MRPL35: variants seen among roughly 807,000 people sequenced by gnomAD.
MRPL35 encodes large ribosomal subunit protein bL35m.
Under a neutral mutation model 21.6 loss-of-function variants are expected in MRPL35, and 18 were observed. The ratio of observed to expected loss-of-function variants is 0.83; its 90% CI spans 0.58 to 1.24. MRPL35 has a LOEUF of 1.24. MRPL35 is among the 50% of genes most tolerant of loss of function. The pLI is 0.00. For missense variants in MRPL35, 223 were observed against 223.2 expected (o/e 1.00, Z 0.01); for synonymous variants, 87 against 86.9 (o/e 1.00, Z -0.01).
intron 1 of MRPL35, among the ~76,000 whole-genome samples, chr2:86,204,004 G>T (rs770735183): frequency 2.9e-4 from 44 of 151,236 alleles, no homozygotes; most frequent in Non-Finnish European, 6.3e-4. Context: ...TTTTTTTTGA[G>T]ATGGAGTTTC....
chr2:86,210,297 C>A (rs540467342), intron 3 of MRPL35, among the ~76,000 whole-genome samples, 183 bp from the exon 4 acceptor site: 6 of 149,826 alleles, frequency 4.0e-5, no homozygotes, highest in African/African-American at 1.5e-4. Context: ...ATGCTTTCTC[C>A]ATCCCCCTCC....
In MRPL35 at chr2:86,213,330, C is replaced by A; in HGVS notation, c.*2662C>A. Reference sequence around the variant, plus strand: ...AGTTCTGTTGACATTGGACCAGGCTCAGTAAATAAACGAATGGATTTCCAG... The same window carrying A: ...AGTTCTGTTGACATTGGACCAGGCTAAGTAAATAAACGAATGGATTTCCAG... On this transcript the variant is annotated 3_prime_UTR_variant, in exon 4 of 4. Transcript: ENST00000337109. 8.2e-7 allele frequency: 1 copy of A among 1,215,756 alleles called. No homozygotes were observed. Among genetic ancestry groups the A allele is most frequent in the Non-Finnish European group, 1.0e-6 (1 of 976,726 alleles). 75.3% of individuals were successfully genotyped at this position (1,215,756 alleles called of 1,614,324 possible).
intron 1 of MRPL35, among the ~76,000 whole-genome samples, chr2:86,205,848 G>C (rs185981644): frequency 1.3e-5 from 2 of 152,166 alleles, no homozygotes; most frequent in Non-Finnish European, 2.9e-5. Context: ...TGGACATAGA[G>C]CTAGCAGACA....
chr2:86,209,510 A>G (rs1411170075), intron 3 of MRPL35, among the ~76,000 whole-genome samples: 5 of 152,150 alleles, frequency 3.3e-5, no homozygotes, highest in Non-Finnish European at 5.9e-5. Flanking sequence ...CTTTAAAAAT[A>G]AATTCTTCAA....
Position 86,212,051 on chromosome 2 carries a change from G to C in MRPL35, c.*1383G>C, listed in dbSNP as rs1264567854. ...CCCAACTCTCCGATCAGAATCATCT[G>C]GGAAGCATTTTCAAACAGCAAAGTA... On this transcript the variant is annotated 3_prime_UTR_variant, in exon 4 of 4. Transcript: ENST00000337109. The C allele has an allele frequency of 1.3e-5, 14 of 1,055,634 alleles. No individual in the cohort carries two copies. Among genetic ancestry groups the C allele is most frequent in the South Asian group, 3.1e-5 (1 of 32,136 alleles). The allele number at this position is 1,055,634 out of a possible 1,614,324, so 65.4% of individuals were successfully genotyped here.
chr2:86,206,399 C>T (rs1673792883), intron 2 of MRPL35, 104 bp downstream of exon 2: 19 of 1,068,058 alleles, frequency 1.8e-5, no homozygotes, highest in Non-Finnish European at 2.6e-5. Context: ...GTGGTGCATT[C>T]TCAGCTCACT....
chr2:86,208,496 G>A (rs1035346270), intron 3 of MRPL35, among the ~76,000 whole-genome samples: 6 of 151,904 alleles, frequency 3.9e-5, no homozygotes, highest in Non-Finnish European at 8.8e-5. Flanking sequence ...TAGTAGAGAC[G>A]GGTTTTCACC....
intron 1 of MRPL35, among the ~76,000 whole-genome samples, chr2:86,203,781 CTG>C (rs1330027678): frequency 6.6e-6 from 1 of 152,154 alleles, no homozygotes; most frequent in Non-Finnish European, 1.5e-5. Flanking sequence ...TTTGAGGAAA[CTG>C]GGGCACAGAG....
In MRPL35 at chr2:86,206,244, C is replaced by T; in HGVS notation, c.182C>T (p.Thr61Ile). 1 of 1,613,654 alleles carries T rather than the reference C, an allele frequency of 6.2e-7. No homozygotes were observed. Among genetic ancestry groups the T allele is most frequent in the Non-Finnish European group, 8.5e-7 (1 of 1,179,530 alleles). ...TPVVSSTPRLTTSERNLTCGH... is the reference protein window; with the variant it reads ...TPVVSSTPRLITSERNLTCGH... The stretch of plus-strand genomic sequence containing the variant: ...GTTGTTTCCTCCACTCCCAGACTTA[C>T]CACATCTGAGAGAAACCTGACATGT... The change falls in exon 2 of 4, where the codon ACC (threonine) becomes ATC (isoleucine). Residue 61 changes from threonine to isoleucine, a missense_variant. Physicochemically the swap from Thr to Ile is moderately conservative, Grantham distance 89 (BLOSUM62 -1). Coordinates refer to ENST00000337109, the MANE Select transcript of MRPL35 (RefSeq NM_016622.4).
chr2:86,200,501 C>T (rs1673664185), intron 1 of MRPL35, among the ~76,000 whole-genome samples: 1 of 152,010 alleles, frequency 6.6e-6, no homozygotes, highest in South Asian at 2.1e-4. Flanking sequence ...TATTAGGTTG[C>T]CTATTTTTCC....
Position 86,213,634 on chromosome 2 carries a change from C to G in MRPL35, c.*2966C>G, listed in dbSNP as rs528911659. Reference sequence around the variant, plus strand: ...CCTGTTGTCACCTGCACAGGCACTCCCCCATTTGCAGATGAAGAAATGTTC... The same window carrying G: ...CCTGTTGTCACCTGCACAGGCACTCGCCCATTTGCAGATGAAGAAATGTTC... On this transcript the variant is annotated 3_prime_UTR_variant, in exon 4 of 4. Coordinates refer to ENST00000337109, the MANE Select transcript of MRPL35 (RefSeq NM_016622.4). The G allele has an allele frequency of 1.1e-5, 17 of 1,550,322 alleles. No homozygotes were observed. Among genetic ancestry groups the G allele is most frequent in the Non-Finnish European group, 1.3e-5 (15 of 1,146,892 alleles).
intron 2 of MRPL35, 33 bp downstream of exon 2, chr2:86,206,328 T>G (rs767894736): frequency 3.1e-5 from 48 of 1,545,636 alleles, no homozygotes; most frequent in Admixed American, 8.1e-5. Context: ...GTTTTTTTTG[T>G]TTTTTGTTTT....
Position 86,210,601 on chromosome 2 carries a change from A to G in MRPL35, c.500A>G (p.Lys167Arg). The G allele has an allele frequency of 6.2e-7, 1 of 1,614,072 alleles. No homozygotes were observed. The highest frequency in any genetic ancestry group is 8.5e-7 in the Non-Finnish European group (1 of 1,179,894). The change falls in exon 4 of 4, where the codon AAG becomes AGG. Residue 167 changes from lysine to arginine, a missense_variant. Transcript: ENST00000337109. The stretch of plus-strand genomic sequence containing the variant: ...GATAAAATGACGACGTCCTTCTGGA[A>G]GAGGCGAAACTGGTACGTTGATGAT... ...LLDKMTTSFW[K>R]RRNWYVDDPY...
At chr2:86,200,124 T>G (rs1208226723) in intron 1 of MRPL35, among the ~76,000 whole-genome samples, 3 of 152,204 alleles carry the variant, frequency 2.0e-5, no homozygotes, top group African/African-American at 7.2e-5. Context: ...CGTTAAGTAC[T>G]TTTTGCAAAA....
chr2:86,206,357 G>C, intron 2 of MRPL35, 62 bp downstream of exon 2: 3 of 1,453,546 alleles, frequency 2.1e-6, no homozygotes, highest in Non-Finnish European at 2.8e-6. Flanking sequence ...TTTTGAGACG[G>C]AGTCTCACTC....
chr2:86,201,915 C>G (rs760103351), intron 1 of MRPL35, among the ~76,000 whole-genome samples: 4 of 152,192 alleles, frequency 2.6e-5, no homozygotes, highest in African/African-American at 4.8e-5. Context: ...TTTGTACGTC[C>G]TATTCCCTCT....
rs1041728213 is a variant in MRPL35, at chr2:86,210,737, A to G, written c.*69A>G. On this transcript the variant is annotated 3_prime_UTR_variant, in exon 4 of 4. Transcript: ENST00000337109. ...TGTGTACATATCTTTGCAAAAATGGATAAGTACAAAACTTGATGTAAATTG... is the reference window on the plus strand; with the variant it reads ...TGTGTACATATCTTTGCAAAAATGGGTAAGTACAAAACTTGATGTAAATTG... The G allele has an allele frequency of 7.3e-6, 11 of 1,497,018 alleles. No homozygotes were observed. The highest frequency in any genetic ancestry group is 2.3e-5 in the East Asian group (1 of 43,830). 92.7% of individuals were successfully genotyped at this position (1,497,018 alleles called of 1,614,324 possible). A position where few individuals can be genotyped will look rare whatever the true frequency, so the allele number is the denominator to read the frequency against.
In MRPL35 at chr2:86,211,565, T is replaced by C; in HGVS notation, c.*897T>C. The stretch of plus-strand genomic sequence containing the variant: ...ACACTTGTCATTTACTGTAACAACA[T>C]TTTTTCATAGGAGAGTAAATAGCCC... On this transcript the variant is annotated 3_prime_UTR_variant, in exon 4 of 4. Coordinates refer to ENST00000337109, the MANE Select transcript of MRPL35 (RefSeq NM_016622.4). The C allele has an allele frequency of 1.0e-6, 1 of 985,456 alleles. No homozygotes were observed. Among genetic ancestry groups the C allele is most frequent in the South Asian group, 4.7e-5 (1 of 21,290 alleles). The allele number at this position is 985,456 out of a possible 1,614,324, so 61.0% of individuals were successfully genotyped here.
At chr2:86,200,612 C>T (rs925086410) in intron 1 of MRPL35, among the ~76,000 whole-genome samples, 1 of 151,984 alleles carries the variant, frequency 6.6e-6, no homozygotes, top group Non-Finnish European at 1.5e-5. Context: ...GCTTTAGTAT[C>T]TTCTTTTACA....
Sources: allele counts gnomAD v4.1 joint callset (sites outside exome capture counted in the v4.1 genomes callset), GRCh38; gene constraint gnomAD v4.1.1; transcripts MANE v1.5; gene names NCBI Gene and HGNC (gene_info 2026-07-23, HGNC 2026-07-21).